The following TNIK variants were observed in gnomAD, a reference collection of about 807,000 sequenced individuals.
TNIK encodes TRAF2 and NCK interacting kinase.
Under a neutral mutation model 191.3 loss-of-function variants are expected in TNIK, and 49 were observed. The ratio of observed to expected loss-of-function variants is 0.26; its 90% CI spans 0.20 to 0.32. The LOEUF (loss-of-function observed/expected upper bound fraction) is 0.32. Ranked by LOEUF, TNIK falls within the 10% of genes least tolerant of loss-of-function variation. The pLI is 1.00. For missense variants in TNIK, 1,155 were observed against 1,702.3 expected, an observed-to-expected ratio of 0.68 and a Z score of 5.66; for synonymous variants, 594 against 600.9, an observed-to-expected ratio of 0.99 and a Z score of 0.17.
intron 2 of TNIK, among the ~76,000 whole-genome samples, chr3:171,356,222 A>AT (rs767065769): frequency 3.1e-4 from 47 of 152,216 alleles, no homozygotes; most frequent in Admixed American, 1.6e-3. Flanking sequence ...ATTGGAGCTG[A>AT]TTTTTTAAGA....
At chr3:171,289,926 T>TAA (rs1395376643) in intron 2 of TNIK, among the ~76,000 whole-genome samples, 1 of 146,044 alleles carries the variant, frequency 6.8e-6, no homozygotes, top group African/African-American at 2.5e-5. Flanking sequence ...AAAAAAAGTG[T>TAA]AAAGAAAGGC....
intron 15 of TNIK, among the ~76,000 whole-genome samples, chr3:171,136,257 C>T (rs1009914980): frequency 2.6e-5 from 4 of 152,268 alleles, no homozygotes; most frequent in African/African-American, 7.2e-5. Flanking sequence ...GGTCGCTTAG[C>T]GATGCAGCAT....
At chr3:171,205,828 T>G (rs1475563730) in intron 4 of TNIK, among the ~76,000 whole-genome samples, 1 of 152,156 alleles carries the variant, frequency 6.6e-6, no homozygotes, top group African/African-American at 2.4e-5. Context: ...TGCAGACTGT[T>G]AACTTCTCAG....
intron 1 of TNIK, among the ~76,000 whole-genome samples, chr3:171,450,247 T>A (rs1459085524): frequency 6.6e-6 from 1 of 152,248 alleles, no homozygotes; most frequent in East Asian, 1.9e-4. Context: ...GCATTGCTAC[T>A]TATCTATATT....
intron 1 of TNIK, among the ~76,000 whole-genome samples, 169 bp downstream of exon 1, chr3:171,459,838 A>T (rs975410348): frequency 6.6e-6 from 1 of 151,912 alleles, no homozygotes; most frequent in African/African-American, 2.4e-5. Flanking sequence ...GTAGGGGCTC[A>T]GCCAGGAGCA....
chr3:171,269,502 C>T (rs1427674596), intron 2 of TNIK, among the ~76,000 whole-genome samples: 2 of 152,158 alleles, frequency 1.3e-5, no homozygotes, highest in Non-Finnish European at 2.9e-5. Context: ...GTATTTCAGC[C>T]AACATACATC....
chr3:171,185,465 G>C (rs961533470), intron 7 of TNIK, among the ~76,000 whole-genome samples: 1 of 152,166 alleles, frequency 6.6e-6, no homozygotes, highest in African/African-American at 2.4e-5. Flanking sequence ...AAACGGGAAA[G>C]CTTTCATTAT....
intron 2 of TNIK, among the ~76,000 whole-genome samples, chr3:171,341,120 T>A (rs1757459074): frequency 6.6e-6 from 1 of 152,166 alleles, no homozygotes; most frequent in Admixed American, 6.5e-5. Flanking sequence ...TAAATAAATC[T>A]ATTTTGTTAG....
chr3:171,347,430 G>A (rs1250565903), intron 2 of TNIK, among the ~76,000 whole-genome samples: 1 of 137,126 alleles, frequency 7.3e-6, no homozygotes, highest in African/African-American at 2.5e-5. Flanking sequence ...CAAGTAAAGA[G>A]AAGCCAACAG....
At chr3:171,354,390 C>A (rs149651504) in intron 2 of TNIK, among the ~76,000 whole-genome samples, 1 of 152,112 alleles carries the variant, frequency 6.6e-6, no homozygotes, top group Admixed American at 6.6e-5. Context: ...CTACCTGAGC[C>A]GTGTTCCTCA....
intron 1 of TNIK, among the ~76,000 whole-genome samples, chr3:171,434,638 T>C (rs1725798786): frequency 6.6e-6 from 1 of 152,004 alleles, no homozygotes; most frequent in Admixed American, 6.6e-5. Context: ...TTTAAAATTG[T>C]TTTTAGAGAC....
chr3:171,350,740 A>G (rs1713032674), intron 2 of TNIK, among the ~76,000 whole-genome samples: 1 of 152,014 alleles, frequency 6.6e-6, no homozygotes, highest in South Asian at 2.1e-4. Flanking sequence ...CATTTCATGT[A>G]TTATCTCATT....
At chr3:171,353,440 G>A (rs905865980) in intron 2 of TNIK, among the ~76,000 whole-genome samples, 1 of 152,106 alleles carries the variant, frequency 6.6e-6, no homozygotes, top group Non-Finnish European at 1.5e-5. Context: ...GCCTGCTACC[G>A]AGCCTTTCCT....
chr3:171,202,219 T>G (rs566876524), intron 4 of TNIK, among the ~76,000 whole-genome samples: 34 of 152,218 alleles, frequency 2.2e-4, no homozygotes, highest in African/African-American at 7.5e-4. Context: ...ATATGTTTTT[T>G]TTTTGGTAGG....
chr3:171,321,007 G>A (rs915738391), intron 2 of TNIK, among the ~76,000 whole-genome samples: 2 of 152,176 alleles, frequency 1.3e-5, no homozygotes, highest in African/African-American at 2.4e-5. Flanking sequence ...TCGGGTGGAA[G>A]ACCAGTAGCT....
intron 27 of TNIK, among the ~76,000 whole-genome samples, chr3:171,080,279 T>G (rs1421784654): frequency 6.6e-6 from 1 of 152,176 alleles, no homozygotes; most frequent in Non-Finnish European, 1.5e-5. Context: ...AGTACACAAG[T>G]AGCAAAACTT....
chr3:171,087,623 G>T, intron 23 of TNIK, 117 bp from the exon 24 acceptor site: 1 of 1,088,156 alleles, frequency 9.2e-7, no homozygotes, highest in Non-Finnish European at 1.3e-6. Context: ...TAGGGCATGA[G>T]AAGGTGATAT....
At chr3:171,140,850 G>A (rs188421544) in intron 12 of TNIK, among the ~76,000 whole-genome samples, 11 of 152,252 alleles carry the variant, frequency 7.2e-5, no homozygotes, top group Admixed American at 5.9e-4. Context: ...ATATCATCAA[G>A]TTGTTTATGA....
intron 1 of TNIK, among the ~76,000 whole-genome samples, chr3:171,390,454 G>T (rs570621584): frequency 6.6e-6 from 1 of 152,102 alleles, no homozygotes; most frequent in Non-Finnish European, 1.5e-5. Context: ...AAGGCCTTTC[G>T]TTCTCACCGT....
Sources: gnomAD v4.1 joint callset for allele counts (sites outside exome capture counted in the v4.1 genomes callset) on GRCh38, gnomAD v4.1.1 for gene constraint, MANE v1.5 for transcripts, NCBI Gene and HGNC (gene_info 2026-07-23, HGNC 2026-07-21) for gene names.